The following ADAMTSL1 variants were observed in gnomAD, a reference collection of about 807,000 sequenced individuals.
The protein encoded by ADAMTSL1 is ADAMTS like 1.
A neutral mutation model predicts 201.8 loss-of-function variants in ADAMTSL1; 126 were observed. The observed-to-expected ratio is 0.62, with a 90% CI of 0.54 to 0.72. The LOEUF (loss-of-function observed/expected upper bound fraction) is 0.72. Ranked by LOEUF, ADAMTSL1 falls within the 30% of genes least tolerant of loss-of-function variation. The pLI is 0.00. For synonymous variants in ADAMTSL1, 1,121 were observed against 903.4 expected, an observed-to-expected ratio of 1.24 and a Z score of -4.32; for missense variants, 2,679 against 2,277.8, an observed-to-expected ratio of 1.18 and a Z score of -3.59.
At chr9:18,157,028 TC>T (rs1157217365) in intron 1 of ADAMTSL1, among the ~76,000 whole-genome samples, 1 of 152,054 alleles carries the variant, frequency 6.6e-6, no homozygotes, top group Non-Finnish European at 1.5e-5. Context: ...AAACCCATGT[TC>T]TCTCTACCCT....
intron 2 of ADAMTSL1, among the ~76,000 whole-genome samples, chr9:18,304,696 C>A (rs969218290): frequency 6.6e-6 from 1 of 151,448 alleles, no homozygotes; most frequent in Non-Finnish European, 1.5e-5. Flanking sequence ...TATAAAACTT[C>A]CTCTCTAATG....
At position 18,525,750 on chromosome 9, in the gene ADAMTSL1, G is replaced by A. The variant is rs1477178485; in HGVS notation, c.192-7497G>A. ...TTGTTCAGTTTCCATGTAGGTGAGT[G>A]GTTTTGAGTGAGTTTCTTAATCCTG... On this transcript the variant is annotated intron_variant, in intron 2 of 28. Coordinates refer to ENST00000380548, the MANE Select transcript of ADAMTSL1 (RefSeq NM_001040272.6). Among the ~76,000 whole-genome samples, 5 of 152,144 alleles carry A rather than the reference G, an allele frequency of 3.3e-5. No individual in the cohort carries two copies. The East Asian group carries it at 9.6e-4, about 29-fold the overall frequency.
chr9:17,916,557 T>A (rs2383053), intron 1 of ADAMTSL1, among the ~76,000 whole-genome samples: 1 of 151,850 alleles, frequency 6.6e-6, no homozygotes, highest in Admixed American at 6.6e-5. Flanking sequence ...TTTGCATGAC[T>A]TTTTGCAAAG....
chr9:18,712,763 T>C (rs1199657806), intron 14 of ADAMTSL1, among the ~76,000 whole-genome samples: 2 of 151,782 alleles, frequency 1.3e-5, no homozygotes, highest in South Asian at 2.1e-4. Context: ...ACAAAGATAC[T>C]CCTCGAGAAG....
At chr9:18,770,350 A>T (rs1409030837) in intron 16 of ADAMTSL1, among the ~76,000 whole-genome samples, 1 of 152,170 alleles carries the variant, frequency 6.6e-6, no homozygotes, top group African/African-American at 2.4e-5. Flanking sequence ...CAACTTTCTA[A>T]GATTTAAAGG....
rs780563928 is a variant in ADAMTSL1, at chr9:18,574,093, C to T, written c.301C>T (p.His101Tyr). 1 of 1,614,116 alleles carries T rather than the reference C, an allele frequency of 6.2e-7. No homozygotes were observed. The highest frequency in any genetic ancestry group is 8.5e-7 in the Non-Finnish European group (1 of 1,180,012). Residue 101 changes from histidine (H) to tyrosine (Y), a missense_variant, in exon 4 of 29, where the codon CAC becomes TAC. His to Tyr is a moderately conservative substitution (Grantham distance 83). Transcript: ENST00000380548. ...QQCSAHNDVK[H>Y]HGQFYEWLPV... ...ATGCTCAGCTCATAATGATGTCAAG[C>T]ACCATGGCCAGTTTTATGAATGGCT...
At chr9:18,479,632 G>A (rs1300009086) in intron 1 of ADAMTSL1, among the ~76,000 whole-genome samples, 1 of 152,104 alleles carries the variant, frequency 6.6e-6, no homozygotes, top group Admixed American at 6.6e-5. Flanking sequence ...GCATTTATCT[G>A]TGCCATCGCC....
At chr9:18,164,597 C>T (rs1016410333) in intron 2 of ADAMTSL1, among the ~76,000 whole-genome samples, 11 of 151,768 alleles carry the variant, frequency 7.2e-5, no homozygotes, top group Non-Finnish European at 1.5e-4. Flanking sequence ...ATTGGACAGA[C>T]AACTTGTGAA....
At chr9:18,094,084 G>A (rs1824139357) in intron 1 of ADAMTSL1, among the ~76,000 whole-genome samples, 1 of 152,162 alleles carries the variant, frequency 6.6e-6, no homozygotes, top group South Asian at 2.1e-4. Flanking sequence ...TGTACCCAGA[G>A]TAGATTTCAG....
chr9:18,203,613 G>C lies in ADAMTSL1; in HGVS notation c.207+39632G>C, dbSNP rs374726146. Among the ~76,000 whole-genome samples the C allele has an allele frequency of 9.9e-5, 15 of 152,034 alleles. No individual in the cohort carries two copies. In the East Asian group the frequency reaches 2.9e-3, roughly 29 times the overall value. ...ACATAGTTGATTATATAGTTTATGT[G>C]CATGCATATGTATTCACAAAGGATT... On this transcript the variant is annotated intron_variant, in intron 2 of 29. Coordinates refer to the ADAMTSL1 transcript ENST00000680146.
intron 1 of ADAMTSL1, among the ~76,000 whole-genome samples, chr9:18,502,670 G>T (rs1302562972): frequency 6.6e-6 from 1 of 152,090 alleles, no homozygotes; most frequent in African/African-American, 2.4e-5. Flanking sequence ...GGTTACCAAG[G>T]TGGCTCCGTT....
At chr9:18,263,274 C>G (rs896711435) in intron 2 of ADAMTSL1, among the ~76,000 whole-genome samples, 6 of 152,196 alleles carry the variant, frequency 3.9e-5, no homozygotes, top group Non-Finnish European at 8.8e-5. Flanking sequence ...TGCACATACT[C>G]TTCAGTGGAG....
Position 18,482,662 on chromosome 9 carries a change from A to G in ADAMTSL1, c.63+8367A>G, listed in dbSNP as rs1821787382. ...TATACCTCACTTTGTTCCCATAGTA[A>G]GGTATGGTAGGGTATCTGATTTCTC... On this transcript the variant is annotated intron_variant, in intron 1 of 28. Coordinates refer to ENST00000380548, the MANE Select transcript of ADAMTSL1 (RefSeq NM_001040272.6). Among the ~76,000 whole-genome samples, 6 of 152,222 alleles carry G rather than the reference A, an allele frequency of 3.9e-5. No homozygotes were observed. The South Asian group carries it at 1.0e-3, about 26-fold the overall frequency.
intron 23 of ADAMTSL1, among the ~76,000 whole-genome samples, chr9:18,830,975 A>G (rs932141478): frequency 6.6e-6 from 1 of 152,200 alleles, no homozygotes; most frequent in African/African-American, 2.4e-5. Context: ...TTACCCACCA[A>G]CTAGCAAGGA....
At chr9:18,047,478 A>G (rs141594480) in intron 1 of ADAMTSL1, among the ~76,000 whole-genome samples, 87 of 152,302 alleles carry the variant, frequency 5.7e-4, no homozygotes, top group African/African-American at 1.9e-3. Context: ...AGGCTGAGAA[A>G]CATTCCTCTA....
chr9:18,688,118 G>GTATATATATATATATATA (rs71333061), intron 13 of ADAMTSL1, among the ~76,000 whole-genome samples: 13 of 142,718 alleles, frequency 9.1e-5, no homozygotes, highest in African/African-American at 3.1e-4. Flanking sequence ...ATGTATGTAT[G>GTATATATATATATATATA]TATATATATA....
chr9:18,667,143 G>A (rs1411122911), intron 9 of ADAMTSL1, among the ~76,000 whole-genome samples: 2 of 151,700 alleles, frequency 1.3e-5, no homozygotes, highest in South Asian at 2.1e-4. Flanking sequence ...AAGGAATTCA[G>A]AGCAACAGTC....
chr9:18,678,842 C>G (rs1295781666), intron 10 of ADAMTSL1, among the ~76,000 whole-genome samples: 3 of 152,074 alleles, frequency 2.0e-5, no homozygotes, highest in Non-Finnish European at 4.4e-5. Flanking sequence ...TATGTGGAGA[C>G]AAAGGAGAAT....
intron 26 of ADAMTSL1, among the ~76,000 whole-genome samples, chr9:18,903,138 G>A (rs558426784): frequency 2.6e-5 from 4 of 152,312 alleles, no homozygotes; most frequent in Admixed American, 2.0e-4. Flanking sequence ...CCAGGAGGTG[G>A]AAGTTGCAGT....
Sources: allele counts gnomAD v4.1 joint callset (sites outside exome capture counted in the v4.1 genomes callset), GRCh38; gene constraint gnomAD v4.1.1; transcripts MANE v1.5; gene names NCBI Gene and HGNC (gene_info 2026-07-23, HGNC 2026-07-21).